The following CAMTA1 variants were observed in gnomAD, a reference collection of about 807,000 sequenced individuals.
CAMTA1 encodes calmodulin-binding transcription activator 1.
In CAMTA1, 27 loss-of-function variants were observed where a neutral mutation model predicts 170.9. The observed-to-expected ratio is 0.16, with a 90% CI of 0.12 to 0.22. The LOEUF is 0.22. CAMTA1 is among the 10% of genes least tolerant of loss of function. The pLI is 1.00. For synonymous variants in CAMTA1, 833 were observed against 891.5 expected, an observed-to-expected ratio of 0.93 and a Z score of 1.17; for missense variants, 1,619 against 2,217.2, an observed-to-expected ratio of 0.73 and a Z score of 5.42.
At chr1:7,015,909 AG>A (rs1024891400) in intron 3 of CAMTA1, among the ~76,000 whole-genome samples, 1 of 152,194 alleles carries the variant, frequency 6.6e-6, no homozygotes, top group Non-Finnish European at 1.5e-5. Context: ...CAGGAGGAAG[AG>A]GGTGAAGGGA....
At chr1:7,457,512 G>A (rs964650852) in intron 5 of CAMTA1, among the ~76,000 whole-genome samples, 12 of 151,980 alleles carry the variant, frequency 7.9e-5, no homozygotes, top group African/African-American at 2.9e-4. Flanking sequence ...CCCCGGGCCA[G>A]GCTGTGTCCC....
intron 11 of CAMTA1, among the ~76,000 whole-genome samples, chr1:7,678,962 C>A (rs530658171): frequency 2.1e-4 from 32 of 152,358 alleles, no homozygotes; most frequent in African/African-American, 7.2e-4. Flanking sequence ...CAGTCCCTGC[C>A]CCAGCCGAGA....
At chr1:7,650,925 C>T (rs1424802656) in intron 7 of CAMTA1, among the ~76,000 whole-genome samples, 1 of 152,212 alleles carries the variant, frequency 6.6e-6, no homozygotes, top group Non-Finnish European at 1.5e-5. Context: ...AACCCGGCTG[C>T]CATTTCCCAT....
At chr1:7,733,274 C>T (rs2096747943) in intron 12 of CAMTA1, among the ~76,000 whole-genome samples, 1 of 152,164 alleles carries the variant, frequency 6.6e-6, no homozygotes, top group African/African-American at 2.4e-5. Context: ...AATTTAGAAT[C>T]TTCCTACTTT....
At position 6,988,511 on chromosome 1, in the gene CAMTA1, C is replaced by G. The variant is rs544256505; in HGVS notation, c.235-102793C>G. ...CACAGATGGAAATTCATTTAATGAA[C>G]TACAAGTCCCTGAATGGATTCTAAA... is the stretch of plus-strand genomic sequence containing the variant. On this transcript the variant is annotated intron_variant, in intron 3 of 22. Coordinates refer to ENST00000303635, the MANE Select transcript of CAMTA1 (RefSeq NM_015215.4). 3.3e-5 allele frequency among the ~76,000 whole-genome samples: 5 copies of G among 152,274 alleles called. No homozygotes were observed. The South Asian group carries it at 1.0e-3, about 32-fold the overall frequency.
intron 6 of CAMTA1, among the ~76,000 whole-genome samples, chr1:7,538,851 C>G (rs959234686): frequency 6.6e-6 from 1 of 152,192 alleles, no homozygotes; most frequent in Non-Finnish European, 1.5e-5. Flanking sequence ...GGTGAACCCA[C>G]CTTTCTACTT....
chr1:7,359,411 C>T (rs886701082), intron 5 of CAMTA1, among the ~76,000 whole-genome samples: 4 of 152,186 alleles, frequency 2.6e-5, no homozygotes, highest in African/African-American at 9.7e-5. Context: ...TCCCCACCCC[C>T]TGGTTTTCTC....
intron 4 of CAMTA1, among the ~76,000 whole-genome samples, chr1:7,098,347 G>C (rs1642338291): frequency 6.6e-6 from 1 of 152,246 alleles, no homozygotes; most frequent in African/African-American, 2.4e-5. Flanking sequence ...TGTCACGTTA[G>C]GTGCGTGTCA....
At chr1:7,271,597 TAG>T (rs1162041416) in intron 5 of CAMTA1, among the ~76,000 whole-genome samples, 17 of 130,874 alleles carry the variant, frequency 1.3e-4, no homozygotes, top group African/African-American at 5.6e-4. Flanking sequence ...GATAGATAGA[TAG>T]ATAGATAGAT....
At chr1:6,802,819 C>T (rs770378972) in intron 1 of CAMTA1, among the ~76,000 whole-genome samples, 6 of 151,980 alleles carry the variant, frequency 3.9e-5, no homozygotes, top group Non-Finnish European at 8.8e-5. Context: ...ACTGAAGCCT[C>T]GACAGCCTGG....
intron 6 of CAMTA1, among the ~76,000 whole-genome samples, chr1:7,559,276 G>A (rs898461374): frequency 3.3e-5 from 5 of 152,082 alleles, no homozygotes; most frequent in African/African-American, 7.2e-5. Flanking sequence ...CAGAAGCCCC[G>A]TCCTTCTCAA....
chr1:7,755,754 T>C, intron 22 of CAMTA1, 86 bp downstream of exon 22: 2 of 1,088,836 alleles, frequency 1.8e-6, no homozygotes, highest in South Asian at 2.5e-5. Flanking sequence ...GGCTGCAGCC[T>C]AGGTATGCCA....
chr1:7,601,696 C>T lies in CAMTA1; in HGVS notation c.511-38704C>T, dbSNP rs558927703. Among the ~76,000 whole-genome samples the T allele has an allele frequency of 1.0e-3, 155 of 152,346 alleles. 1 individual carries two copies. The highest frequency in any genetic ancestry group is 3.6e-3 in the African/African-American group (148 of 41,588). Reference sequence around the variant, plus strand: ...GACTCCGTCTGCAATCCCGGCACCTCGGGAGGCCGAGGCTGGCGGATCCCT... The same window carrying T: ...GACTCCGTCTGCAATCCCGGCACCTTGGGAGGCCGAGGCTGGCGGATCCCT... On this transcript the variant is annotated intron_variant, in intron 6 of 22. Transcript: ENST00000303635.
At chr1:7,553,105 G>A (rs1380199023) in intron 6 of CAMTA1, among the ~76,000 whole-genome samples, 1 of 152,200 alleles carries the variant, frequency 6.6e-6, no homozygotes, top group African/African-American at 2.4e-5. Context: ...TACCTTGAGT[G>A]AATGAACGAA....
chr1:7,337,886 C>T (rs2149791124), intron 5 of CAMTA1, among the ~76,000 whole-genome samples: 1 of 152,238 alleles, frequency 6.6e-6, no homozygotes, highest in East Asian at 1.9e-4. Context: ...TTCCAGCCCG[C>T]TTGTCCGCCC....
At chr1:7,377,656 G>T (rs1294611285) in intron 5 of CAMTA1, among the ~76,000 whole-genome samples, 1 of 152,190 alleles carries the variant, frequency 6.6e-6, no homozygotes, top group East Asian at 1.9e-4. Flanking sequence ...TCCACCATCT[G>T]CTTTTAAAAA....
intron 3 of CAMTA1, among the ~76,000 whole-genome samples, chr1:6,869,384 T>G (rs1167374295): frequency 6.6e-6 from 1 of 152,224 alleles, no homozygotes; most frequent in Non-Finnish European, 1.5e-5. Flanking sequence ...TTGTCAAGTC[T>G]AATTCCTCTT....
At chr1:7,668,018 AG>A (rs2096016719) in intron 9 of CAMTA1, among the ~76,000 whole-genome samples, 1 of 152,136 alleles carries the variant, frequency 6.6e-6, no homozygotes, top group Non-Finnish European at 1.5e-5. Flanking sequence ...TGGGTTCTAC[AG>A]GAGAGAGCAC....
At chr1:6,917,472 G>A (rs981902899) in intron 3 of CAMTA1, among the ~76,000 whole-genome samples, 4 of 151,782 alleles carry the variant, frequency 2.6e-5, no homozygotes, top group African/African-American at 7.3e-5. Context: ...GGCCCAGAGT[G>A]TGGCAATGGA....
Sources: allele counts gnomAD v4.1 joint callset (sites outside exome capture counted in the v4.1 genomes callset), GRCh38; gene constraint gnomAD v4.1.1; transcripts MANE v1.5; gene names NCBI Gene and HGNC (gene_info 2026-07-23, HGNC 2026-07-21).